Variants in CADPS2 observed in about 807,000 individuals in gnomAD.
The protein encoded by CADPS2 is calcium-dependent secretion activator 2.
Under a neutral mutation model 172.5 loss-of-function variants are expected in CADPS2, and 93 were observed. The ratio of observed to expected loss-of-function variants is 0.54; its 90% CI spans 0.46 to 0.64. The LOEUF is 0.64. Ranked by LOEUF, CADPS2 falls within the 30% of genes least tolerant of loss-of-function variation. The pLI is 0.00. For missense variants in CADPS2, 1,420 were observed against 1,565.9 expected (o/e 0.91, Z 1.57); for synonymous variants, 546 against 555.2 (o/e 0.98, Z 0.23).
At chr7:122,465,031 A>G (rs1016591849) in intron 14 of CADPS2, among the ~76,000 whole-genome samples, 5 of 152,204 alleles carry the variant, frequency 3.3e-5, no homozygotes, top group African/African-American at 9.6e-5. Context: ...AATAAAAAGT[A>G]TATCTAAAAA....
intron 2 of CADPS2, among the ~76,000 whole-genome samples, chr7:122,674,318 G>C (rs915876360): frequency 6.6e-6 from 1 of 152,224 alleles, no homozygotes; most frequent in African/African-American, 2.4e-5. Flanking sequence ...AGCATGGCCA[G>C]AGTGGACATC....
At chr7:122,413,532 T>C (rs767505520) in intron 19 of CADPS2, among the ~76,000 whole-genome samples, 4 of 152,072 alleles carry the variant, frequency 2.6e-5, no homozygotes, top group Non-Finnish European at 5.9e-5. Context: ...AGAGGGAGAA[T>C]GAAAATAAAA....
At chr7:122,650,891 A>T (rs915138034) in intron 3 of CADPS2, among the ~76,000 whole-genome samples, 2 of 151,714 alleles carry the variant, frequency 1.3e-5, no homozygotes, top group African/African-American at 4.8e-5. Flanking sequence ...AATTTAACAC[A>T]TATATAAATA....
intron 1 of CADPS2, among the ~76,000 whole-genome samples, chr7:122,793,009 G>A (rs1291921207): frequency 6.6e-6 from 1 of 152,080 alleles, no homozygotes; most frequent in African/African-American, 2.4e-5. Flanking sequence ...TTAAAATGCT[G>A]TACCTTTCAG....
intron 1 of CADPS2, among the ~76,000 whole-genome samples, chr7:122,780,963 G>A (rs1233391108): frequency 6.6e-6 from 1 of 152,142 alleles, no homozygotes; most frequent in Non-Finnish European, 1.5e-5. Flanking sequence ...TTTCATATGT[G>A]GGAGTGCTGA....
intron 2 of CADPS2, among the ~76,000 whole-genome samples, chr7:122,710,892 T>G (rs1037275949): frequency 6.6e-6 from 1 of 152,182 alleles, no homozygotes; most frequent in East Asian, 1.9e-4. Flanking sequence ...ATTCATTTTT[T>G]AAAAATCCTG....
chr7:122,605,025 C>T (rs912036349), intron 6 of CADPS2, among the ~76,000 whole-genome samples: 2 of 152,120 alleles, frequency 1.3e-5, no homozygotes, highest in African/African-American at 4.8e-5. Flanking sequence ...ACCTGTATAG[C>T]ATGTATTGTC....
At chr7:122,635,910 T>C (rs576527471) in intron 3 of CADPS2, among the ~76,000 whole-genome samples, 1 of 128,056 alleles carries the variant, frequency 7.8e-6, no homozygotes, top group Non-Finnish European at 1.6e-5. Context: ...CTATCTGATA[T>C]GAGAATAGCA....
intron 1 of CADPS2, among the ~76,000 whole-genome samples, chr7:122,756,218 C>G (rs2093154001): frequency 6.8e-6 from 1 of 146,408 alleles, no homozygotes; most frequent in Non-Finnish European, 1.5e-5. Flanking sequence ...TATACAAGGA[C>G]TTAATTAATA....
intron 2 of CADPS2, among the ~76,000 whole-genome samples, chr7:122,724,044 G>A (rs1379549728): frequency 7.9e-6 from 1 of 127,224 alleles, no homozygotes; most frequent in Non-Finnish European, 1.6e-5. Flanking sequence ...GGAGGGAGGG[G>A]GGAGGGATAG....
At chr7:122,540,744 A>G (rs2062827533) in intron 8 of CADPS2, among the ~76,000 whole-genome samples, 1 of 152,110 alleles carries the variant, frequency 6.6e-6, no homozygotes, top group East Asian at 1.9e-4. Flanking sequence ...AGCAGGATAA[A>G]CACTTTCTTC....
intron 28 of CADPS2, among the ~76,000 whole-genome samples, chr7:122,339,234 T>C (rs796835840): frequency 6.6e-6 from 1 of 152,190 alleles, no homozygotes; most frequent in Admixed American, 6.5e-5. Flanking sequence ...TCTAAATACA[T>C]ACAAAGAAGT....
intron 1 of CADPS2, among the ~76,000 whole-genome samples, chr7:122,750,047 A>G (rs1421786429): frequency 6.6e-6 from 1 of 152,034 alleles, no homozygotes; most frequent in Non-Finnish European, 1.5e-5. Context: ...ATCAGTTACA[A>G]AGCTATCATT....
At chr7:122,453,136 T>C (rs2053343765) in intron 14 of CADPS2, among the ~76,000 whole-genome samples, 1 of 152,164 alleles carries the variant, frequency 6.6e-6, no homozygotes, top group South Asian at 2.1e-4. Context: ...AGGGAAACAT[T>C]ACTTAATTTC....
At chr7:122,781,460 T>C (rs1324555105) in intron 1 of CADPS2, among the ~76,000 whole-genome samples, 4 of 152,182 alleles carry the variant, frequency 2.6e-5, no homozygotes, top group African/African-American at 9.6e-5. Context: ...TATTTTTAAT[T>C]TGTCTTATCC....
chr7:122,841,824 A>AT (rs1554487539), intron 1 of CADPS2, among the ~76,000 whole-genome samples: 37 of 151,992 alleles, frequency 2.4e-4, no homozygotes, highest in Admixed American at 2.4e-3. Context: ...TTAGTACTGT[A>AT]TTTTTTTTAC....
chr7:122,847,666 A>C (rs1812373217), intron 1 of CADPS2, among the ~76,000 whole-genome samples: 4 of 152,114 alleles, frequency 2.6e-5, no homozygotes. Flanking sequence ...GCGTGGGAAA[A>C]CTTAGATTTT....
chr7:122,564,952 C>T (rs1276420344), intron 7 of CADPS2, among the ~76,000 whole-genome samples: 1 of 151,664 alleles, frequency 6.6e-6, no homozygotes, highest in Non-Finnish European at 1.5e-5. Flanking sequence ...AGGCCATTAT[C>T]CTAAGTGAAA....
At chr7:122,399,691 T>C (rs2045674731) in intron 20 of CADPS2, among the ~76,000 whole-genome samples, 5 of 71,810 alleles carry the variant, frequency 7.0e-5, no homozygotes, top group African/African-American at 2.3e-4. Flanking sequence ...TTTTTTTTTT[T>C]TTTTTTTTTT....
Sources: allele counts gnomAD v4.1 joint callset (sites outside exome capture counted in the v4.1 genomes callset), GRCh38; gene constraint gnomAD v4.1.1; transcripts MANE v1.5; gene names NCBI Gene and HGNC (gene_info 2026-07-23, HGNC 2026-07-21).